The following NRG1 variants were observed in gnomAD, a reference collection of about 807,000 sequenced individuals.
NRG1 encodes neuregulin 1.
In NRG1, 18 loss-of-function variants were observed where a neutral mutation model predicts 63.8. The ratio of observed to expected loss-of-function variants is 0.28; its 90% CI spans 0.19 to 0.42. The LOEUF (loss-of-function observed/expected upper bound fraction) is 0.42. Ranked by LOEUF, NRG1 falls within the 10% of genes least tolerant of loss-of-function variation. The pLI, the probability that NRG1 is intolerant of heterozygous loss-of-function variation, is 1.00. For missense variants in NRG1, 762 were observed against 814.7 expected (o/e 0.94, Z 0.79); for synonymous variants, 302 against 301.3 (o/e 1.00, Z -0.02).
chr8:32,258,160 C>G (rs568910805), intron 1 of NRG1, among the ~76,000 whole-genome samples: 2 of 152,172 alleles, frequency 1.3e-5, no homozygotes, highest in Admixed American at 6.6e-5. Context: ...GCACACTCAT[C>G]TCCTGAAGGC....
intron 1 of NRG1, among the ~76,000 whole-genome samples, chr8:31,793,599 G>A (rs1392557097): frequency 6.6e-6 from 1 of 152,206 alleles, no homozygotes; most frequent in Non-Finnish European, 1.5e-5. Context: ...GGAATTACTT[G>A]AGAATCTATT....
chr8:32,494,257 A>G (rs1037445732), intron 1 of NRG1, among the ~76,000 whole-genome samples: 3 of 152,226 alleles, frequency 2.0e-5, no homozygotes, highest in Non-Finnish European at 4.4e-5. Flanking sequence ...GGAAACTACC[A>G]GGGACTATAA....
At chr8:31,648,154 G>A (rs1239574645) in intron 1 of NRG1, among the ~76,000 whole-genome samples, 1 of 57,538 alleles carries the variant, frequency 1.7e-5, no homozygotes, top group East Asian at 4.8e-4. Flanking sequence ...TTTTTTTTGA[G>A]ACGGAGTTTC....
chr8:31,843,653 T>A (rs1342917000), intron 1 of NRG1, among the ~76,000 whole-genome samples: 2 of 152,190 alleles, frequency 1.3e-5, no homozygotes, highest in Non-Finnish European at 2.9e-5. Flanking sequence ...GCTAAGAACC[T>A]GATTGTGTTT....
chr8:31,885,420 A>G (rs1830644353), intron 1 of NRG1, among the ~76,000 whole-genome samples: 1 of 152,120 alleles, frequency 6.6e-6, no homozygotes, highest in Non-Finnish European at 1.5e-5. Context: ...TCACTGTTGA[A>G]AGAAAAAAAA....
chr8:31,914,209 T>C (rs1320087031), intron 1 of NRG1, among the ~76,000 whole-genome samples: 1 of 152,140 alleles, frequency 6.6e-6, no homozygotes, highest in Non-Finnish European at 1.5e-5. Context: ...ATTCTATGCC[T>C]TTTTTAGCCA....
At chr8:32,144,656 T>C (rs10110307) in intron 1 of NRG1, among the ~76,000 whole-genome samples, 71,069 of 152,086 alleles carry the variant, frequency 0.47, 18,632 homozygotes, top group Admixed American at 0.59. Context: ...TTTTGCTGTT[T>C]ATATATTTTT....
At chr8:32,187,425 A>G (rs977065229) in intron 1 of NRG1, among the ~76,000 whole-genome samples, 5 of 152,130 alleles carry the variant, frequency 3.3e-5, no homozygotes, top group Admixed American at 2.6e-4. Context: ...AATTAAGGGC[A>G]AGCATTTTTA....
intron 1 of NRG1, among the ~76,000 whole-genome samples, chr8:32,381,870 G>C (rs114680294): frequency 0.015 from 2,343 of 152,244 alleles, 63 homozygotes; most frequent in African/African-American, 0.054. Flanking sequence ...AGTATAAGCA[G>C]TTAAAACTGA....
At chr8:32,715,567 T>A (rs1330841508) in intron 5 of NRG1, among the ~76,000 whole-genome samples, 2 of 151,604 alleles carry the variant, frequency 1.3e-5, no homozygotes, top group East Asian at 3.9e-4. Context: ...TCTCTTTCAA[T>A]AAAAGTTTTC....
intron 1 of NRG1, among the ~76,000 whole-genome samples, chr8:31,847,173 A>G (rs966407417): frequency 6.6e-6 from 1 of 152,198 alleles, no homozygotes; most frequent in African/African-American, 2.4e-5. Flanking sequence ...ATTGCATCTC[A>G]TTGGTGTTAC....
chr8:32,733,543 G>A (rs925895412), intron 6 of NRG1, among the ~76,000 whole-genome samples: 8 of 152,014 alleles, frequency 5.3e-5, no homozygotes, highest in African/African-American at 1.2e-4. Flanking sequence ...TCAGACCTTG[G>A]CAATGACCTT....
chr8:31,756,378 G>T (rs987150009), intron 1 of NRG1, among the ~76,000 whole-genome samples: 1 of 152,080 alleles, frequency 6.6e-6, no homozygotes, highest in African/African-American at 2.4e-5. Flanking sequence ...AAGGGGTACA[G>T]CTTGTTTTGT....
intron 1 of NRG1, among the ~76,000 whole-genome samples, chr8:31,783,603 CAA>C (rs772436543): frequency 1.0e-4 from 11 of 110,524 alleles, no homozygotes; most frequent in African/African-American, 9.8e-5. Flanking sequence ...TGTTTTCAGG[CAA>C]AAAAAAAAAA....
chr8:31,721,745 A>G (rs1331802447), intron 1 of NRG1, among the ~76,000 whole-genome samples: 1 of 152,098 alleles, frequency 6.6e-6, no homozygotes, highest in Non-Finnish European at 1.5e-5. Context: ...TGTGAAACGC[A>G]TGTTGCAGTT....
At chr8:31,934,600 T>TGTATGTCA (rs1835147565) in intron 1 of NRG1, among the ~76,000 whole-genome samples, 1 of 151,902 alleles carries the variant, frequency 6.6e-6, no homozygotes, top group Non-Finnish European at 1.5e-5. Context: ...TCATAGACAT[T>TGTATGTCA]GGCTTTTGTA....
chr8:31,864,475 C>T (rs1046760508), intron 1 of NRG1, among the ~76,000 whole-genome samples: 1 of 152,138 alleles, frequency 6.6e-6, no homozygotes, highest in Non-Finnish European at 1.5e-5. Context: ...TCTGAAGAAC[C>T]AGCAGAAGAG....
intron 1 of NRG1, among the ~76,000 whole-genome samples, chr8:32,339,714 T>C (rs1190080610): frequency 1.3e-5 from 2 of 152,230 alleles, no homozygotes; most frequent in Non-Finnish European, 2.9e-5. Context: ...TAATTTCATT[T>C]TGATTGCCTG....
intron 1 of NRG1, among the ~76,000 whole-genome samples, chr8:32,335,058 T>G (rs939596307): frequency 2.0e-5 from 3 of 152,036 alleles, no homozygotes; most frequent in Non-Finnish European, 4.4e-5. Flanking sequence ...GATCCATAAT[T>G]GATATAGTGG....
Sources: allele counts gnomAD v4.1 joint callset (sites outside exome capture counted in the v4.1 genomes callset), GRCh38; gene constraint gnomAD v4.1.1; transcripts MANE v1.5; gene names NCBI Gene and HGNC (gene_info 2026-07-23, HGNC 2026-07-21).